The following CTIF variants were observed in gnomAD, a reference collection of about 807,000 sequenced individuals.
The protein encoded by CTIF is cap binding complex dependent translation initiation factor, also known as CBP80/20-dependent translation initiation factor.
Under a neutral mutation model 66.0 loss-of-function variants are expected in CTIF, and 21 were observed. The observed-to-expected ratio is 0.32, with a 90% CI of 0.23 to 0.46. The LOEUF (loss-of-function observed/expected upper bound fraction) is 0.46, where lower values mean the gene tolerates loss of function less well. Ranked by LOEUF, CTIF falls within the 20% of genes least tolerant of loss-of-function variation. The pLI, the probability that CTIF is intolerant of heterozygous loss-of-function variation, is 1.00. For missense variants in CTIF, 739 were observed against 812.7 expected, an observed-to-expected ratio of 0.91 and a Z score of 1.10; for synonymous variants, 345 against 326.4, an observed-to-expected ratio of 1.06 and a Z score of -0.62.
At chr18:48,629,368 C>T (rs1598765176) in intron 2 of CTIF, among the ~76,000 whole-genome samples, 1 of 152,194 alleles carries the variant, frequency 6.6e-6, no homozygotes, top group East Asian at 1.9e-4. Flanking sequence ...CTTGCATATC[C>T]GATTAACATC....
intron 6 of CTIF, among the ~76,000 whole-genome samples, chr18:48,671,704 T>G (rs1341666343): frequency 6.6e-6 from 1 of 151,876 alleles, no homozygotes; most frequent in Non-Finnish European, 1.5e-5. Flanking sequence ...TGGAAAATTT[T>G]CAGCCACGAT....
intron 7 of CTIF, among the ~76,000 whole-genome samples, chr18:48,752,098 T>C (rs190961278): frequency 4.5e-4 from 68 of 152,308 alleles, no homozygotes; most frequent in African/African-American, 1.6e-3. Context: ...AAGCTTTTAG[T>C]CCATGCAGTG....
At chr18:48,733,956 C>T (rs1464733493) in intron 7 of CTIF, among the ~76,000 whole-genome samples, 2 of 152,230 alleles carry the variant, frequency 1.3e-5, no homozygotes, top group Non-Finnish European at 2.9e-5. Flanking sequence ...TCTTCATTCT[C>T]AAGGAGGCGG....
rs1568120522 is a variant in CTIF, at chr18:48,669,793, T to TATATATATATATATATA, written c.432-876_432-875insATATATATATATATATA. 8.5e-5 allele frequency among the ~76,000 whole-genome samples: 4 copies of TATATATATATATATATA among 47,260 alleles called. 2 individuals carry two copies. The highest frequency in any genetic ancestry group is 5.4e-4 in the Admixed American group (2 of 3,716). 31.0% of individuals were successfully genotyped at this position (47,260 alleles called of 152,430 possible). On this transcript the variant is annotated intron_variant, in intron 5 of 11. Transcript: ENST00000256413. ...ATTTATAAACAAACAAGCTAAACAT[T>TATATATATATATATATA]TATATATATATATATATATATATAT... is the stretch of plus-strand genomic sequence containing the variant.
chr18:48,638,855 G>GAGGACA (rs1289751207), intron 3 of CTIF, among the ~76,000 whole-genome samples: 1 of 152,268 alleles, frequency 6.6e-6, no homozygotes, highest in African/African-American at 2.4e-5. Context: ...AAGGAGGGTG[G>GAGGACA]AGGACAGGGT....
intron 1 of CTIF, among the ~76,000 whole-genome samples, chr18:48,600,945 A>C (rs1363945780): frequency 6.6e-6 from 1 of 152,152 alleles, no homozygotes; most frequent in Non-Finnish European, 1.5e-5. Context: ...AAGCTTGTTG[A>C]AATCTGAGAG....
chr18:48,710,084 G>C (rs2092206944), intron 6 of CTIF, among the ~76,000 whole-genome samples: 1 of 152,248 alleles, frequency 6.6e-6, no homozygotes, highest in Non-Finnish European at 1.5e-5. Context: ...AGGGTGGTCA[G>C]TTTCCCCCAT....
At chr18:48,544,581 A>T (rs2088701237) in intron 1 of CTIF, among the ~76,000 whole-genome samples, 1 of 152,204 alleles carries the variant, frequency 6.6e-6, no homozygotes, top group Non-Finnish European at 1.5e-5. Context: ...GGGGAGATAA[A>T]GTATGGGAGG....
intron 9 of CTIF, among the ~76,000 whole-genome samples, chr18:48,766,091 T>G (rs1909506426): frequency 1.4e-5 from 2 of 143,888 alleles, no homozygotes; most frequent in African/African-American, 5.1e-5. Flanking sequence ...CTCCTAATGC[T>G]ATCCCTCCCC....
chr18:48,718,563 C>T (rs1022486260), intron 7 of CTIF, among the ~76,000 whole-genome samples: 30 of 152,120 alleles, frequency 2.0e-4, no homozygotes, highest in African/African-American at 6.0e-4. Context: ...AGATGGATGT[C>T]GCCACTCAAG....
At chr18:48,823,981 C>CACACACAA (rs2068533581) in intron 10 of CTIF, among the ~76,000 whole-genome samples, 1 of 83,490 alleles carries the variant, frequency 1.2e-5, no homozygotes, top group African/African-American at 8.2e-5. Context: ...AGACTCCACA[C>CACACACAA]ACACACACAC....
At position 48,620,454 on chromosome 18, in the gene CTIF, A is replaced by G. The variant is rs530593938; in HGVS notation, c.180+709A>G. ...AGCATATCTTTGCCTAACACCACAA[A>G]TCCTCAGCAGATTTTTGTTCAAGAG... On this transcript the variant is annotated intron_variant, in intron 2 of 11. Coordinates refer to ENST00000256413, the MANE Select transcript of CTIF (RefSeq NM_014772.3). 7.2e-5 allele frequency among the ~76,000 whole-genome samples: 11 copies of G among 152,260 alleles called. No individual in the cohort carries two copies. The South Asian group carries it at 2.3e-3, about 32-fold the overall frequency.
chr18:48,625,258 G>T, intron 2 of CTIF: 1 of 980,136 alleles, frequency 1.0e-6, no homozygotes, highest in Non-Finnish European at 1.2e-6. Flanking sequence ...GGAGGACTGC[G>T]GGGTGGTTCA....
intron 1 of CTIF, among the ~76,000 whole-genome samples, chr18:48,603,974 G>A (rs1025670054): frequency 3.3e-5 from 5 of 150,542 alleles, no homozygotes; most frequent in African/African-American, 4.9e-5. Context: ...TCAGCCTCTC[G>A]AGTAGCTGGG....
chr18:48,646,947 G>GTACCATATA (rs2091048483), intron 3 of CTIF, among the ~76,000 whole-genome samples: 1 of 144,412 alleles, frequency 6.9e-6, no homozygotes, highest in Non-Finnish European at 1.5e-5. Flanking sequence ...AGTACCATAT[G>GTACCATATA]ATTTGATTGA....
intron 3 of CTIF, among the ~76,000 whole-genome samples, chr18:48,642,825 C>G (rs888079876): frequency 6.6e-6 from 1 of 152,130 alleles, no homozygotes; most frequent in African/African-American, 2.4e-5. Flanking sequence ...GGGGCAGTTC[C>G]GTTTTAACCA....
intron 7 of CTIF, among the ~76,000 whole-genome samples, chr18:48,726,580 G>A (rs2092389137): frequency 1.3e-5 from 2 of 152,088 alleles, no homozygotes; most frequent in Admixed American, 6.5e-5. Context: ...GTCACAAGGT[G>A]GACCTCTTCA....
At chr18:48,681,887 G>A (rs1192434653) in intron 6 of CTIF, among the ~76,000 whole-genome samples, 3 of 152,172 alleles carry the variant, frequency 2.0e-5, no homozygotes, top group Admixed American at 2.0e-4. Context: ...CCAGGTTCAA[G>A]CAATTCTCCT....
At chr18:48,769,332 C>T (rs528873491) in intron 9 of CTIF, among the ~76,000 whole-genome samples, 265 of 152,380 alleles carry the variant, frequency 1.7e-3, no homozygotes, top group African/African-American at 6.1e-3. Flanking sequence ...ATCAGAAAGG[C>T]TGAAGCAAAG....
Sources: allele counts gnomAD v4.1 joint callset (sites outside exome capture counted in the v4.1 genomes callset), GRCh38; gene constraint gnomAD v4.1.1; transcripts MANE v1.5; gene names NCBI Gene and HGNC (gene_info 2026-07-23, HGNC 2026-07-21).